Variants in ITGAD observed in about 807,000 individuals in gnomAD.
The protein encoded by ITGAD is integrin alpha-D.
Under a neutral mutation model 139.0 loss-of-function variants are expected in ITGAD, and 105 were observed. The ratio of observed to expected loss-of-function variants is 0.76; its 90% CI spans 0.65 to 0.89. The LOEUF (loss-of-function observed/expected upper bound fraction) is 0.89, where lower values mean the gene tolerates loss of function less well. ITGAD is among the 40% of genes least tolerant of loss of function. The probability of loss-of-function intolerance (pLI) is 0.00; values close to 1 mark genes in which losing one functional copy is unlikely to be tolerated. For missense variants in ITGAD, 1,384 were observed against 1,487.3 expected, an observed-to-expected ratio of 0.93 and a Z score of 1.14; for synonymous variants, 569 against 598.3, an observed-to-expected ratio of 0.95 and a Z score of 0.71.
rs1315590036 is a variant in ITGAD at position 31,413,251 on chromosome 16, G to GACC, written c.1996+5_1996+6insACC. The GACC allele has an allele frequency of 6.2e-7, 1 of 1,613,718 alleles. No individual in the cohort carries two copies. Among genetic ancestry groups the GACC allele is most frequent in the Admixed American group, 1.7e-5 (1 of 59,942 alleles). ...AAAGCTCACTGGACCAGCTAGGTGT[G>GACC]TTTCCCCCATAAAGGGGGCCCAGGC... On this transcript the variant is annotated splice_donor_region_variant and intron_variant, in intron 16 of 29. Coordinates refer to ENST00000389202, the MANE Select transcript of ITGAD (RefSeq NM_005353.3).
intron 7 of ITGAD, among the ~76,000 whole-genome samples, chr16:31,407,114 G>C (rs2081558486): frequency 6.6e-6 from 1 of 152,206 alleles, no homozygotes; most frequent in South Asian, 2.1e-4. Flanking sequence ...AGCACTTTGG[G>C]AGGCTGAGGC....
intron 9 of ITGAD, among the ~76,000 whole-genome samples, 186 bp from the exon 10 acceptor site, chr16:31,408,239 T>C (rs1475570166): frequency 6.6e-6 from 1 of 152,192 alleles, no homozygotes; most frequent in Non-Finnish European, 1.5e-5. Context: ...CTCAAAGTGC[T>C]GGGATTACAG....
chr16:31,394,207 A>AGCCTCCCC, intron 1 of ITGAD, 29 bp from the exon 2 acceptor site: 1 of 1,488,468 alleles, frequency 6.7e-7, no homozygotes, highest in Non-Finnish European at 9.4e-7. Context: ...TTTAACTCCC[A>AGCCTCCCC]GCCTCCCCGC....
At chr16:31,395,071 C>T (rs1252234825) in intron 2 of ITGAD, among the ~76,000 whole-genome samples, 2 of 152,304 alleles carry the variant, frequency 1.3e-5, no homozygotes, top group South Asian at 4.1e-4. Flanking sequence ...AATCCCAACG[C>T]TTTGGGAGGC....
rs750941171 is a variant in ITGAD at position 31,403,686 on chromosome 16, C to T, written c.704+41C>T. On this transcript the variant is annotated intron_variant, in intron 7 of 29. Coordinates refer to ENST00000389202, the MANE Select transcript of ITGAD (RefSeq NM_005353.3). This position sits in a 1 kb window ranked among gnomAD's most constrained non-coding sequence, Gnocchi z 4.4. The stretch of plus-strand genomic sequence containing the variant: ...CCCAGCCTGGCGATGTGACTGCCAC[C>T]CCCACTTCCTAACCCTGGGTCAGCA... The T allele has an allele frequency of 5.0e-6, 8 of 1,611,430 alleles. No homozygotes were observed. The highest frequency in any genetic ancestry group is 5.9e-6 in the Non-Finnish European group (7 of 1,178,218).
chr16:31,424,306 A>C, intron 28 of ITGAD, 103 bp downstream of exon 28: 1 of 1,436,686 alleles, frequency 7.0e-7, no homozygotes, highest in African/African-American at 1.4e-5. Context: ...GAGGAGGGTG[A>C]AAGTCTCTGG....
At chr16:31,416,131 A>G in intron 18 of ITGAD, 82 bp from the exon 19 acceptor site, 1 of 1,155,316 alleles carries the variant, frequency 8.7e-7, no homozygotes, top group South Asian at 1.4e-5. Flanking sequence ...AGTAATGCTC[A>G]ATGTTGGAGA....
intron 10 of ITGAD, among the ~76,000 whole-genome samples, chr16:31,409,416 A>T (rs2081624513): frequency 6.6e-6 from 1 of 152,186 alleles, no homozygotes; most frequent in Admixed American, 6.5e-5. Flanking sequence ...GAAATGAAAT[A>T]AGATTGGTCA....
chr16:31,409,550 C>T (rs1418876402), intron 10 of ITGAD, among the ~76,000 whole-genome samples: 2 of 152,036 alleles, frequency 1.3e-5, no homozygotes, highest in Non-Finnish European at 2.9e-5. Context: ...AAAGTACACC[C>T]AGGAGGAAAT....
chr16:31,426,412 T>G lies in ITGAD; in HGVS notation c.*284T>G, dbSNP rs772615909. 9.2e-5 allele frequency: 29 copies of G among 314,812 alleles called. No homozygotes were observed. Among genetic ancestry groups the G allele is most frequent in the Non-Finnish European group, 1.6e-4 (27 of 166,036 alleles). 19.5% of individuals were successfully genotyped at this position (314,812 alleles called of 1,614,324 possible). A position where few individuals can be genotyped will look rare whatever the true frequency, so the allele number is the denominator to read the frequency against. ...GAGGATGTTTATAGCACACTTTCCT[T>G]GCGTGGAAGAGCTATAACCCAGGGA... On this transcript the variant is annotated 3_prime_UTR_variant, in exon 30 of 30. Transcript: ENST00000389202.
chr16:31,396,340 GCAGGTGC>G (rs1181670227), intron 2 of ITGAD, among the ~76,000 whole-genome samples: 2 of 152,208 alleles, frequency 1.3e-5, no homozygotes, highest in African/African-American at 4.8e-5. Context: ...TGGCGTGATG[GCAGGTGC>G]CTGTAATCCC....
intron 6 of ITGAD, chr16:31,402,775 A>G (rs1230712645): frequency 6.6e-6 from 1 of 152,130 alleles, no homozygotes; most frequent in African/African-American, 2.4e-5. Flanking sequence ...GCTAATTTTT[A>G]AAAATTTTTA....
chr16:31,393,600 C>G (rs774593212), intron 1 of ITGAD, among the ~76,000 whole-genome samples: 13 of 152,060 alleles, frequency 8.5e-5, no homozygotes, highest in Non-Finnish European at 1.6e-4. Context: ...GGCGACTAAG[C>G]TACCTCTCCA....
chr16:31,405,283 C>A lies in ITGAD; in HGVS notation c.704+1638C>A, dbSNP rs912406527. On this transcript the variant is annotated intron_variant, in intron 7 of 29. Transcript: ENST00000389202. ...TACAGGCGTGAGCCACCATGCCCAG[C>A]CTCTTCCTTCTCTTTCTTTTCTTCC... is the stretch of plus-strand genomic sequence containing the variant. Among the ~76,000 whole-genome samples, 4 of 152,234 alleles carry A rather than the reference C, an allele frequency of 2.6e-5. No individual in the cohort carries two copies. In the East Asian group the frequency reaches 7.7e-4, roughly 29 times the overall value.
At position 31,400,589 on chromosome 16, in the gene ITGAD, A is replaced by T. The variant is rs73538308; in HGVS notation, c.428-1526A>T. ...CACGATTGCAGAGTGAACTCCACAA[A>T]CTCTGAGGTCACTTGGGAATGTTCT... is the stretch of plus-strand genomic sequence containing the variant. On this transcript the variant is annotated intron_variant, in intron 5 of 29. Transcript: ENST00000389202. Among the ~76,000 whole-genome samples the T allele has an allele frequency of 8.0e-3, 1,222 of 151,936 alleles. 16 individuals carry two copies. The highest frequency in any genetic ancestry group is 0.027 in the African/African-American group (1,135 of 41,416).
Position 31,412,957 on chromosome 16 carries a change from G to T in ITGAD, c.1827G>T (p.Val609=). ...TGGCCGTGGGGGCCCGGGGCCAGGTGCTCCTGCTCAGGTAGCGACTCCCCA... is the reference window on the plus strand; with the variant it reads ...TGGCCGTGGGGGCCCGGGGCCAGGTTCTCCTGCTCAGGTAGCGACTCCCCA... ...MDLAVGARGQ[V]LLLRSLPVLK... Residue 609 remains valine (V), a synonymous_variant, in exon 15 of 30, where the codon GTG becomes GTT. Transcript: ENST00000389202. The T allele has an allele frequency of 6.2e-7, 1 of 1,607,714 alleles. No individual in the cohort carries two copies. Among genetic ancestry groups the T allele is most frequent in the Non-Finnish European group, 8.5e-7 (1 of 1,176,922 alleles).
At chr16:31,413,974 G>A (rs1303269312) in intron 16 of ITGAD, among the ~76,000 whole-genome samples, 3 of 152,092 alleles carry the variant, frequency 2.0e-5, no homozygotes, top group Non-Finnish European at 2.9e-5. Flanking sequence ...CCATGTGCTT[G>A]GCTTCTTTCT....
At chr16:31,413,732 C>T (rs2081800310) in intron 16 of ITGAD, among the ~76,000 whole-genome samples, 1 of 152,202 alleles carries the variant, frequency 6.6e-6, no homozygotes, top group African/African-American at 2.4e-5. Context: ...CTCCTCCTTA[C>T]TAGGCACGCT....
intron 22 of ITGAD, 45 bp downstream of exon 22, chr16:31,418,425 G>C: frequency 6.2e-7 from 1 of 1,607,376 alleles, no homozygotes; most frequent in Non-Finnish European, 8.5e-7. Context: ...CGCATGCCCC[G>C]GCTAGAGACC....
Sources: gnomAD v4.1 joint callset for allele counts (sites outside exome capture counted in the v4.1 genomes callset) on GRCh38, gnomAD v4.1.1 for gene constraint, Gnocchi (gnomAD v3.1) non-coding constraint, MANE v1.5 for transcripts, NCBI Gene and HGNC (gene_info 2026-07-23, HGNC 2026-07-21) for gene names.